OPCML: variants seen among roughly 807,000 people sequenced by gnomAD.
OPCML encodes the protein opioid binding protein/cell adhesion molecule like.
OPCML carries 13 observed loss-of-function variants against 37.8 expected under a neutral mutation model. That is an observed-to-expected ratio of 0.34 (90% CI 0.22 to 0.55). The LOEUF is 0.55. Among genes scored for constraint, OPCML ranks in the 20% least tolerant of loss-of-function variants. The pLI is 0.91. For missense variants in OPCML, 341 were observed against 435.6 expected, an observed-to-expected ratio of 0.78 and a Z score of 1.93; for synonymous variants, 176 against 168.8, an observed-to-expected ratio of 1.04 and a Z score of -0.33.
At chr11:133,158,428 A>G (rs1950094654) in intron 1 of OPCML, among the ~76,000 whole-genome samples, 1 of 152,292 alleles carries the variant, frequency 6.6e-6, no homozygotes, top group East Asian at 1.9e-4. Context: ...AGGGCCAGGC[A>G]TGGTGGCTCA....
chr11:132,749,816 T>C (rs1945770332), intron 2 of OPCML, among the ~76,000 whole-genome samples: 1 of 152,158 alleles, frequency 6.6e-6, no homozygotes, highest in Non-Finnish European at 1.5e-5. Flanking sequence ...GAAGAAACAG[T>C]TTTTAAAAAG....
intron 1 of OPCML, among the ~76,000 whole-genome samples, chr11:133,274,824 C>G (rs1426792130): frequency 6.6e-6 from 1 of 152,188 alleles, no homozygotes; most frequent in Non-Finnish European, 1.5e-5. Flanking sequence ...TGGAATTTCT[C>G]CTTCAAATGC....
At chr11:132,994,381 C>A (rs546677542) in intron 1 of OPCML, among the ~76,000 whole-genome samples, 1 of 152,266 alleles carries the variant, frequency 6.6e-6, no homozygotes, top group East Asian at 1.9e-4. Context: ...GGAGGAGGAG[C>A]CTAGGAGAGA....
intron 1 of OPCML, among the ~76,000 whole-genome samples, chr11:133,351,951 T>C (rs1398676933): frequency 6.6e-6 from 1 of 152,186 alleles, no homozygotes; most frequent in African/African-American, 2.4e-5. Context: ...TTATATTCAA[T>C]CCAAAGACCA....
At chr11:132,549,215 C>T (rs532839452) in intron 3 of OPCML, among the ~76,000 whole-genome samples, 94 of 152,320 alleles carry the variant, frequency 6.2e-4, no homozygotes, top group African/African-American at 2.2e-3. Context: ...GCTCATTATA[C>T]ACTAATTATA....
chr11:132,886,494 C>A (rs1449462686), intron 2 of OPCML, among the ~76,000 whole-genome samples: 2 of 152,232 alleles, frequency 1.3e-5, no homozygotes, highest in Admixed American at 1.3e-4. Context: ...AGGACCAGCT[C>A]CAGCTGGGGG....
chr11:132,848,895 C>T (rs1158670694), intron 2 of OPCML, among the ~76,000 whole-genome samples: 1 of 152,104 alleles, frequency 6.6e-6, no homozygotes, highest in African/African-American at 2.4e-5. Context: ...AATGGAAAAG[C>T]TTTATGAAGT....
At chr11:132,803,334 C>G (rs910432876) in intron 2 of OPCML, among the ~76,000 whole-genome samples, 1 of 152,158 alleles carries the variant, frequency 6.6e-6, no homozygotes, top group Non-Finnish European at 1.5e-5. Flanking sequence ...TATATTATTC[C>G]ACCCAAAGCT....
chr11:133,223,653 T>A (rs1939927602), intron 1 of OPCML, among the ~76,000 whole-genome samples: 1 of 152,216 alleles, frequency 6.6e-6, no homozygotes, highest in South Asian at 2.1e-4. Context: ...CTTCAGGGTA[T>A]GATTGGAAAC....
chr11:132,989,509 A>G (rs1946736167), intron 1 of OPCML, among the ~76,000 whole-genome samples: 1 of 152,090 alleles, frequency 6.6e-6, no homozygotes, highest in South Asian at 2.1e-4. Flanking sequence ...TACACATGGA[A>G]TTCTGAATGA....
chr11:133,228,099 T>C (rs1940117346), intron 1 of OPCML, among the ~76,000 whole-genome samples: 1 of 152,204 alleles, frequency 6.6e-6, no homozygotes, highest in Non-Finnish European at 1.5e-5. Flanking sequence ...GTCCCATTCA[T>C]TAATTATTGT....
intron 1 of OPCML, among the ~76,000 whole-genome samples, chr11:133,029,094 C>G (rs1174787433): frequency 1.3e-5 from 2 of 152,066 alleles, no homozygotes; most frequent in African/African-American, 4.8e-5. Context: ...TATACATGCA[C>G]CAACAAGCAT....
intron 1 of OPCML, among the ~76,000 whole-genome samples, chr11:133,097,837 T>C (rs189872157): frequency 1.3e-5 from 2 of 152,310 alleles, no homozygotes; most frequent in East Asian, 1.9e-4. Flanking sequence ...ATCTGAATAG[T>C]CCCATGTTGA....
intron 2 of OPCML, among the ~76,000 whole-genome samples, chr11:132,702,323 T>C (rs1015075826): frequency 2.0e-5 from 3 of 152,166 alleles, no homozygotes; most frequent in African/African-American, 7.2e-5. Flanking sequence ...ATTTTTCTGG[T>C]ATAATATTCT....
chr11:132,946,112 A>G (rs2136686644), intron 1 of OPCML, among the ~76,000 whole-genome samples: 1 of 152,316 alleles, frequency 6.6e-6, no homozygotes, highest in African/African-American at 2.4e-5. Context: ...CTAAAAACTA[A>G]GACACAAATA....
At chr11:132,520,579 G>A (rs2137242399) in intron 4 of OPCML, among the ~76,000 whole-genome samples, 1 of 151,848 alleles carries the variant, frequency 6.6e-6, no homozygotes, top group South Asian at 2.1e-4. Context: ...GGAAATAATT[G>A]TCGATCCACA....
intron 1 of OPCML, among the ~76,000 whole-genome samples, chr11:133,279,700 A>G (rs1218485176): frequency 2.0e-5 from 3 of 152,118 alleles, no homozygotes; most frequent in Non-Finnish European, 4.4e-5. Flanking sequence ...GAGAATCTCA[A>G]TGCATTATTG....
intron 1 of OPCML, among the ~76,000 whole-genome samples, chr11:132,945,276 A>G (rs906865395): frequency 2.0e-5 from 3 of 152,252 alleles, no homozygotes; most frequent in Non-Finnish European, 4.4e-5. Context: ...GACACAGCCT[A>G]CTACACACCT....
chr11:132,876,786 G>A (rs896455864), intron 2 of OPCML, among the ~76,000 whole-genome samples: 3 of 152,134 alleles, frequency 2.0e-5, no homozygotes, highest in Non-Finnish European at 4.4e-5. Flanking sequence ...TGCTTTCTAA[G>A]GAATCAGAAC....
Sources: allele counts gnomAD v4.1 joint callset (sites outside exome capture counted in the v4.1 genomes callset), GRCh38; gene constraint gnomAD v4.1.1; transcripts MANE v1.5; gene names NCBI Gene and HGNC (gene_info 2026-07-23, HGNC 2026-07-21).